The following ACER3 variants were observed in gnomAD, a reference collection of about 807,000 sequenced individuals.
ACER3 encodes the protein alkCDase 3.
A neutral mutation model predicts 48.9 loss-of-function variants in ACER3; 16 were observed. The ratio of observed to expected loss-of-function variants is 0.33; its 90% CI spans 0.22 to 0.50. The LOEUF is 0.50. Among genes scored for constraint, ACER3 ranks in the 20% least tolerant of loss-of-function variants. ACER3 has a pLI of 0.98. For missense variants in ACER3, 227 were observed against 326.0 expected (o/e 0.70, Z 2.34); for synonymous variants, 109 against 107.8 (o/e 1.01, Z -0.07).
rs1437369917 is a variant in ACER3 at position 77,020,837 on chromosome 11, A to AAAAGAGAGAG, written c.*522_*531dup. On this transcript the variant is annotated 3_prime_UTR_variant, in exon 11 of 11. Coordinates refer to ENST00000532485, the MANE Select transcript of ACER3 (RefSeq NM_018367.7). ...CTCATGGATGGTTCTCAAAGGTAAA[A>AAAAGAGAGAG]AAAGAGAGAGAAAGAGAGAGAGCTA... The AAAAGAGAGAG allele has an allele frequency of 6.5e-6, 1 of 154,152 alleles. No individual in the cohort carries two copies. The highest frequency in any genetic ancestry group is 2.4e-5 in the African/African-American group (1 of 41,464). 9.5% of individuals were successfully genotyped at this position (154,152 alleles called of 1,614,324 possible).
Position 77,021,283 on chromosome 11 carries a change from A to G in ACER3, c.*956A>G, listed in dbSNP as rs1949468091. The G allele has an allele frequency of 6.6e-6, 1 of 152,230 alleles. No individual in the cohort carries two copies. Among genetic ancestry groups the G allele is most frequent in the Non-Finnish European group, 1.5e-5 (1 of 68,042 alleles). The allele number at this position is 152,230 out of a possible 1,614,324, so 9.4% of individuals were successfully genotyped here. A position where few individuals can be genotyped will look rare whatever the true frequency, so the allele number is the denominator to read the frequency against. ...GGTTGTGCCCAGGGAAGTGTGTTGC[A>G]TTAACTAAAGCTAAAATTATCAGAA... On this transcript the variant is annotated 3_prime_UTR_variant, in exon 11 of 11. Transcript: ENST00000532485.
At chr11:76,979,120 A>C (rs1270310331) in intron 4 of ACER3, among the ~76,000 whole-genome samples, 2 of 152,226 alleles carry the variant, frequency 1.3e-5, no homozygotes, top group Admixed American at 1.3e-4. Context: ...AACTTGGGCA[A>C]AGGTGCCACC....
chr11:76,999,379 G>GTTT, intron 7 of ACER3, among the ~76,000 whole-genome samples: 1 of 148,708 alleles, frequency 6.7e-6, no homozygotes, highest in Non-Finnish European at 1.5e-5. Flanking sequence ...TTGTGGGTTT[G>GTTT]TTTTTTTTTT....
At chr11:77,002,075 T>C (rs907609083) in intron 7 of ACER3, among the ~76,000 whole-genome samples, 5 of 152,172 alleles carry the variant, frequency 3.3e-5, no homozygotes, top group Admixed American at 6.5e-5. Context: ...TCTCCTTTTC[T>C]GATAAAGGAC....
intron 2 of ACER3, among the ~76,000 whole-genome samples, chr11:76,932,094 G>C (rs910328605): frequency 6.6e-6 from 1 of 151,988 alleles, no homozygotes; most frequent in African/African-American, 2.4e-5. Flanking sequence ...GACCACAGGC[G>C]TATGCCACCA....
chr11:76,936,864 G>A (rs1221194948), intron 2 of ACER3, among the ~76,000 whole-genome samples: 5 of 151,852 alleles, frequency 3.3e-5, no homozygotes, highest in African/African-American at 1.2e-4. Flanking sequence ...ATTACAGAGT[G>A]CACCACCATG....
At chr11:76,956,054 A>G (rs952007396) in intron 2 of ACER3, among the ~76,000 whole-genome samples, 2 of 152,194 alleles carry the variant, frequency 1.3e-5, no homozygotes, top group East Asian at 3.8e-4. Flanking sequence ...GTTGAGAGAA[A>G]ATGGAAAATG....
intron 1 of ACER3, among the ~76,000 whole-genome samples, chr11:76,918,287 A>G (rs1478106937): frequency 1.3e-5 from 2 of 151,756 alleles, no homozygotes; most frequent in Non-Finnish European, 2.9e-5. Flanking sequence ...TATCTATCTT[A>G]ATTTAAAGCT....
intron 7 of ACER3, among the ~76,000 whole-genome samples, chr11:77,001,278 CAG>C (rs1949026232): frequency 6.6e-6 from 1 of 151,934 alleles, no homozygotes. Flanking sequence ...TTTTTTGAGA[CAG>C]AGTCTCGCAC....
intron 5 of ACER3, among the ~76,000 whole-genome samples, chr11:76,988,374 A>G (rs948058751): frequency 5.3e-5 from 8 of 152,362 alleles, no homozygotes; most frequent in African/African-American, 1.9e-4. Flanking sequence ...TGGGTAATTT[A>G]TAAAGGAAAG....
rs1388727709 is a variant in ACER3, at chr11:77,005,991, A to ATAT, written c.497+7171_497+7172insATT. ...TATATACATATATATATATATATAT[A>ATAT]TTTTTTTTTTTTTTTGAGCCAGAGT... On this transcript the variant is annotated intron_variant, in intron 7 of 10. Coordinates refer to ENST00000532485, the MANE Select transcript of ACER3 (RefSeq NM_018367.7). Among the ~76,000 whole-genome samples the ATAT allele has an allele frequency of 5.8e-3, 585 of 100,872 alleles. 9 individuals carry two copies. Among genetic ancestry groups the ATAT allele is most frequent in the African/African-American group, 0.022 (561 of 25,290 alleles). The allele number at this position is 100,872 out of a possible 152,430, so 66.2% of individuals were successfully genotyped here.
chr11:76,972,832 A>G (rs116695875), intron 3 of ACER3, among the ~76,000 whole-genome samples: 1,638 of 152,258 alleles, frequency 0.011, 36 homozygotes, highest in African/African-American at 0.037. Context: ...GAACCCCTGT[A>G]TTGTTGCTGC....
chr11:77,024,921 C>T lies in ACER3; in HGVS notation c.*4594C>T, dbSNP rs1327543722. On this transcript the variant is annotated 3_prime_UTR_variant, in exon 11 of 11. Coordinates refer to ENST00000532485, the MANE Select transcript of ACER3 (RefSeq NM_018367.7). ...CAGGCTGCAAGTGACCTAAAATTCC[C>T]CTACTCTAGCTCAGCAGCCATCAGT... 6.6e-6 allele frequency: 1 copy of T among 152,076 alleles called. No individual in the cohort carries two copies. Among genetic ancestry groups the T allele is most frequent in the Non-Finnish European group, 1.5e-5 (1 of 68,020 alleles). 9.4% of individuals were successfully genotyped at this position (152,076 alleles called of 1,614,324 possible).
chr11:76,983,890 A>C (rs1948636709), intron 4 of ACER3, among the ~76,000 whole-genome samples: 1 of 151,538 alleles, frequency 6.6e-6, no homozygotes, highest in Non-Finnish European at 1.5e-5. Context: ...TCCCGGATTC[A>C]CGCGATTCTC....
chr11:76,884,579 C>T (rs1377667416), intron 1 of ACER3, among the ~76,000 whole-genome samples: 1 of 152,094 alleles, frequency 6.6e-6, no homozygotes, highest in Non-Finnish European at 1.5e-5. Flanking sequence ...GTGAAGGTTG[C>T]TTCATCTATT....
chr11:76,885,720 G>A (rs1354352054), intron 1 of ACER3, among the ~76,000 whole-genome samples: 1 of 152,134 alleles, frequency 6.6e-6, no homozygotes, highest in Non-Finnish European at 1.5e-5. Context: ...ATTTGGGTAG[G>A]GGAATAGTAG....
intron 2 of ACER3, among the ~76,000 whole-genome samples, chr11:76,954,893 T>A (rs757435610): frequency 4.7e-4 from 71 of 152,178 alleles, no homozygotes; most frequent in Non-Finnish European, 8.8e-4. Context: ...TGAGTCACCA[T>A]ACCCGGCCCC....
chr11:76,901,140 C>A (rs899923923), intron 1 of ACER3, among the ~76,000 whole-genome samples: 1 of 151,910 alleles, frequency 6.6e-6, no homozygotes, highest in African/African-American at 2.4e-5. Context: ...TTTACATGAG[C>A]CTTAATGGTC....
At chr11:76,914,698 A>G (rs1946475394) in intron 1 of ACER3, among the ~76,000 whole-genome samples, 1 of 152,234 alleles carries the variant, frequency 6.6e-6, no homozygotes, top group Non-Finnish European at 1.5e-5. Context: ...ATTACTGGGT[A>G]TATACTCAAA....
Sources: allele counts gnomAD v4.1 joint callset (sites outside exome capture counted in the v4.1 genomes callset), GRCh38; gene constraint gnomAD v4.1.1; transcripts MANE v1.5; gene names NCBI Gene and HGNC (gene_info 2026-07-23, HGNC 2026-07-21).